Variants in XPA observed in about 807,000 individuals in gnomAD.
XPA encodes XPA, DNA damage recognition and repair factor, also known as DNA repair protein complementing XP-A cells.
Under a neutral mutation model 35.7 loss-of-function variants are expected in XPA, and 27 were observed. That is an observed-to-expected ratio of 0.76 (90% CI 0.56 to 1.04). The LOEUF (loss-of-function observed/expected upper bound fraction) is 1.04. Ranked by LOEUF, XPA falls within the 50% of genes least tolerant of loss-of-function variation. XPA has a pLI of 0.00. For missense variants in XPA, 354 were observed against 342.7 expected (o/e 1.03, Z -0.26); for synonymous variants, 133 against 118.4 (o/e 1.12, Z -0.80).
At chr9:97,692,872 C>T (rs1828934835) in intron 2 of XPA, among the ~76,000 whole-genome samples, 1 of 152,042 alleles carries the variant, frequency 6.6e-6, no homozygotes, top group African/African-American at 2.4e-5. Context: ...CCAACCCCAC[C>T]CTGGGTTTTG....
At chr9:97,654,440 T>C in the XPA span, among the ~76,000 whole-genome samples, 2 of 152,044 alleles carry the variant, frequency 1.3e-5, no homozygotes, top group South Asian at 4.1e-4. Flanking sequence ...CAATTAATAA[T>C]GGAAAAGCTT....
At chr9:97,685,100 T>C in intron 4 of XPA, 60 bp from the exon 5 acceptor site, 1 of 1,399,128 alleles carries the variant, frequency 7.1e-7, no homozygotes, top group Non-Finnish European at 1.0e-6. Context: ...ATATTATAGT[T>C]ATAACTGTCA....
At chr9:97,689,785 A>T (rs1412029435) in intron 2 of XPA, 146 bp from the exon 3 acceptor site, 1 of 306,610 alleles carries the variant, frequency 3.3e-6, no homozygotes, top group South Asian at 5.5e-5. Context: ...ATGTTTATCT[A>T]AAAAAAAAAA....
In XPA at chr9:97,696,012, G is replaced by T. The variant is rs139500585; in HGVS notation, c.172+1109C>A. ...TGACTATGAATTAATCAGTGCAAAT[G>T]AACTTTCTGTCTGACTCTAGCGTGC... On this transcript the variant is annotated intron_variant, in intron 1 of 5. Coordinates refer to ENST00000375128, the MANE Select transcript of XPA (RefSeq NM_000380.4). Among the ~76,000 whole-genome samples, 182 of 152,332 alleles carry T rather than the reference G, an allele frequency of 1.2e-3. 3 individuals are homozygous for T. Among genetic ancestry groups the T allele is most frequent in the African/African-American group, 4.3e-3 (179 of 41,570 alleles).
chr9:97,674,143 C>CA (rs1554698912), downstream of XPA, among the ~76,000 whole-genome samples: 2 of 151,816 alleles, frequency 1.3e-5, no homozygotes, highest in African/African-American at 4.9e-5. Context: ...CTTCCCCGCC[C>CA]CCATAATGCT....
At chr9:97,654,774 A>G in the XPA span, 1 of 969,476 alleles carries the variant, frequency 1.0e-6, no homozygotes. Context: ...GATGTTCAGC[A>G]TTATTAATCA....
chr9:97,657,212 C>T, the XPA span, among the ~76,000 whole-genome samples: 3 of 152,138 alleles, frequency 2.0e-5, no homozygotes, highest in South Asian at 4.1e-4. Flanking sequence ...GTGATCCGCC[C>T]GCCTCGGCCT....
the XPA span, among the ~76,000 whole-genome samples, chr9:97,666,208 TTAG>T: frequency 1.0e-3 from 155 of 152,346 alleles, no homozygotes; most frequent in Middle Eastern, 0.017. Flanking sequence ...CAAAGTGATC[TTAG>T]TATGTATTTG....
the XPA span, among the ~76,000 whole-genome samples, chr9:97,657,209 G>C: frequency 6.6e-6 from 1 of 152,052 alleles, no homozygotes; most frequent in African/African-American, 2.4e-5. Context: ...CTCGTGATCC[G>C]CCCGCCTCGG....
chr9:97,668,799 A>C, the XPA span: 1 of 1,592,508 alleles, frequency 6.3e-7, no homozygotes, highest in South Asian at 1.1e-5. Flanking sequence ...GATTTAACAC[A>C]CTGGAATCTA....
intron 5 of XPA, among the ~76,000 whole-genome samples, chr9:97,679,998 C>T (rs765099961): frequency 6.6e-6 from 1 of 152,108 alleles, no homozygotes; most frequent in Non-Finnish European, 1.5e-5. Context: ...TGCAAAATGT[C>T]AATGTCGTGA....
At chr9:97,693,277 C>T (rs1828945919) in intron 2 of XPA, among the ~76,000 whole-genome samples, 1 of 152,154 alleles carries the variant, frequency 6.6e-6, no homozygotes, top group Admixed American at 6.5e-5. Flanking sequence ...TCTTTCTCCA[C>T]AGATAAATAA....
the XPA span, chr9:97,655,707 T>C: frequency 6.2e-7 from 1 of 1,611,676 alleles, no homozygotes; most frequent in Non-Finnish European, 8.5e-7. Context: ...CGTAGGTTTA[T>C]TAATTGGTTT....
Position 97,684,996 on chromosome 9 carries a change from T to A in XPA, c.600A>T (p.Leu200Phe). ...SLEVWGSQEA[L>F]EEAKEVRQEN... ...CCTGTCGGACTTCCTTTGCTTCTTCTAATGCTTCTTGACTACCCCAAACTT... is the reference window on the plus strand; with the variant it reads ...CCTGTCGGACTTCCTTTGCTTCTTCAAATGCTTCTTGACTACCCCAAACTT... Residue 200 changes from leucine to phenylalanine, a missense_variant, in exon 5 of 6, where the codon TTA becomes TTT. Leu to Phe is a conservative substitution (Grantham distance 22). Coordinates refer to ENST00000375128, the MANE Select transcript of XPA (RefSeq NM_000380.4). The A allele has an allele frequency of 1.2e-6, 2 of 1,613,738 alleles. No individual in the cohort carries two copies. The highest frequency in any genetic ancestry group is 8.5e-7 in the Non-Finnish European group (1 of 1,179,854).
chr9:97,669,620 C>T, the XPA span: 11 of 1,611,920 alleles, frequency 6.8e-6, no homozygotes, highest in East Asian at 2.5e-4. Context: ...GACCGAGCAC[C>T]TAGTACGATG....
chr9:97,669,678 T>C, the XPA span: 13 of 1,607,784 alleles, frequency 8.1e-6, no homozygotes, highest in Admixed American at 6.7e-5. Context: ...AAGAACTGTA[T>C]AGAGAGGCTG....
chr9:97,690,986 G>T (rs527267511), intron 2 of XPA, among the ~76,000 whole-genome samples: 1 of 152,308 alleles, frequency 6.6e-6, no homozygotes, highest in East Asian at 1.9e-4. Flanking sequence ...TTAAGGCATG[G>T]ACATCTTTGG....
At chr9:97,680,509 A>T (rs1828506773) in intron 5 of XPA, among the ~76,000 whole-genome samples, 1 of 152,198 alleles carries the variant, frequency 6.6e-6, no homozygotes, top group Non-Finnish European at 1.5e-5. Context: ...TACAGGCATA[A>T]GCCACTGCTC....
intron 5 of XPA, among the ~76,000 whole-genome samples, chr9:97,677,255 G>T (rs1828395283): frequency 6.6e-6 from 1 of 152,150 alleles, no homozygotes; most frequent in African/African-American, 2.4e-5. Context: ...AGCCATAATT[G>T]AACCTAAGGT....
Sources: allele counts gnomAD v4.1 joint callset (sites outside exome capture counted in the v4.1 genomes callset), GRCh38; gene constraint gnomAD v4.1.1; transcripts MANE v1.5; gene names NCBI Gene and HGNC (gene_info 2026-07-23, HGNC 2026-07-21).